The following ST3GAL4 variants were observed in gnomAD, a reference collection of about 807,000 sequenced individuals.
The protein encoded by ST3GAL4 is ST3 beta-galactoside alpha-2,3-sialyltransferase 4.
In ST3GAL4, 24 loss-of-function variants were observed where a neutral mutation model predicts 42.6. The ratio of observed to expected loss-of-function variants is 0.56; its 90% CI spans 0.41 to 0.79. The LOEUF is 0.79. Among genes scored for constraint, ST3GAL4 ranks in the 30% least tolerant of loss-of-function variants. The probability of loss-of-function intolerance (pLI) is 0.00; values close to 1 mark genes in which losing one functional copy is unlikely to be tolerated. For synonymous variants in ST3GAL4, 135 were observed against 163.2 expected, an observed-to-expected ratio of 0.83 and a Z score of 1.32; for missense variants, 311 against 430.8, an observed-to-expected ratio of 0.72 and a Z score of 2.46.
In ST3GAL4 at chr11:126,392,106, T is replaced by A. The variant is rs1233783561; in HGVS notation, c.-60-13990T>A. The A allele has an allele frequency of 2.6e-5, 4 of 152,880 alleles. No homozygotes were observed. The highest frequency in any genetic ancestry group is 5.8e-5 in the Non-Finnish European group (4 of 68,642). The allele number at this position is 152,880 out of a possible 1,614,324, so 9.5% of individuals were successfully genotyped here. On this transcript the variant is annotated intron_variant, in intron 1 of 10. Transcript: ENST00000444328. The surrounding 1 kb of genome is among the most constrained non-coding windows in gnomAD (Gnocchi z 5.8). ...TCACCTGACCAGTGACTGCAGAGGCTGGATTGGCCTGTGGGCCTGAGTCCG... is the reference window on the plus strand; with the variant it reads ...TCACCTGACCAGTGACTGCAGAGGCAGGATTGGCCTGTGGGCCTGAGTCCG...
At chr11:126,372,719 T>C (rs541898814) in intron 1 of ST3GAL4, among the ~76,000 whole-genome samples, 1 of 152,196 alleles carries the variant, frequency 6.6e-6, no homozygotes, top group Non-Finnish European at 1.5e-5. Context: ...CCGGCCGTCT[T>C]TGGATTTTAT....
rs551443393 is a variant in ST3GAL4 at position 126,371,163 on chromosome 11, C to CTTTTTTTTTTTTTTTTTTTTTTTTTTTTT, written c.-61+15340_-61+15341insTTTTTTTTTTTTTTTTTTTTTTTTTTTTT. Among the ~76,000 whole-genome samples, 7 of 59,972 alleles carry CTTTTTTTTTTTTTTTTTTTTTTTTTTTTT rather than the reference C, an allele frequency of 1.2e-4. 2 individuals carry two copies. The highest frequency in any genetic ancestry group is 1.8e-4 in the Non-Finnish European group (6 of 32,966). 39.3% of individuals were successfully genotyped at this position (59,972 alleles called of 152,430 possible). A position where few individuals can be genotyped will look rare whatever the true frequency, so the allele number is the denominator to read the frequency against. On this transcript the variant is annotated intron_variant, in intron 1 of 10. Coordinates refer to ENST00000444328, the MANE Select transcript of ST3GAL4 (RefSeq NM_001254757.2). ...ATCTATTCTATTCTTCCCCACATTC[C>CTTTTTTTTTTTTTTTTTTTTTTTTTTTTT]TTTTTTTTTTTTTTTTTTTGAGATG...
At position 126,384,770 on chromosome 11, in the gene ST3GAL4, G is replaced by A; in HGVS notation, c.-60-21326G>A. ...CATGGGTGAATCTGAGTCGAGGGCAGGACAGAGTGGGAGTGGCAGTGCCTC... is the reference window on the plus strand; with the variant it reads ...CATGGGTGAATCTGAGTCGAGGGCAAGACAGAGTGGGAGTGGCAGTGCCTC... On this transcript the variant is annotated intron_variant, in intron 1 of 10. Transcript: ENST00000444328. The surrounding 1 kb of genome is among the most constrained non-coding windows in gnomAD (Gnocchi z 5.5). 1 of 985,422 alleles carries A rather than the reference G, an allele frequency of 1.0e-6. No homozygotes were observed. Among genetic ancestry groups the A allele is most frequent in the Non-Finnish European group, 1.2e-6 (1 of 829,932 alleles). The allele number at this position is 985,422 out of a possible 1,614,324, so 61.0% of individuals were successfully genotyped here.
At chr11:126,361,812 A>G (rs941543646) in intron 1 of ST3GAL4, among the ~76,000 whole-genome samples, 3 of 151,728 alleles carry the variant, frequency 2.0e-5, no homozygotes, top group African/African-American at 4.8e-5. Context: ...CCTTCCCTCC[A>G]TGCATGGCCT....
At position 126,409,059 on chromosome 11, in the gene ST3GAL4, G is replaced by A. The variant is rs190574114; in HGVS notation, c.628-209G>A. On this transcript the variant is annotated intron_variant, in intron 8 of 10. Coordinates refer to ENST00000444328, the MANE Select transcript of ST3GAL4 (RefSeq NM_001254757.2). The surrounding 1 kb of genome is among the most constrained non-coding windows in gnomAD (Gnocchi z 4.9). ...TATACACCTGGTCACCTGGCCTCCC[G>A]AGGGGGTGCCTTTCCTCCTCTCTTT... Among the ~76,000 whole-genome samples, 28 of 152,276 alleles carry A rather than the reference G, an allele frequency of 1.8e-4. No individual in the cohort carries two copies. The highest frequency in any genetic ancestry group is 6.5e-4 in the African/African-American group (27 of 41,564).
chr11:126,407,379 TG>T, intron 5 of ST3GAL4, 30 bp downstream of exon 5: 1 of 1,607,048 alleles, frequency 6.2e-7, no homozygotes, highest in Non-Finnish European at 8.5e-7. Flanking sequence ...GTGGGAACCA[TG>T]GGCTCACCCT....
rs528597355 is a variant in ST3GAL4, at chr11:126,387,257, G to A, written c.-60-18839G>A. Among the ~76,000 whole-genome samples the A allele has an allele frequency of 1.6e-3, 243 of 152,300 alleles. 1 individual carries two copies. Among genetic ancestry groups the A allele is most frequent in the African/African-American group, 4.9e-3 (204 of 41,554 alleles). ...AGAAAACCTGACACCTGGAAAGGTC[G>A]TTTGCACTCACACAAGTGATGGTTG... On this transcript the variant is annotated intron_variant, in intron 1 of 10. Coordinates refer to ENST00000444328, the MANE Select transcript of ST3GAL4 (RefSeq NM_001254757.2).
chr11:126,372,075 C>T (rs911360892), intron 1 of ST3GAL4, among the ~76,000 whole-genome samples: 4 of 152,270 alleles, frequency 2.6e-5, no homozygotes, highest in African/African-American at 9.6e-5. Context: ...TTCTGTTGAC[C>T]TGTTGACCGT....
At chr11:126,358,343 G>A (rs571807185) in intron 1 of ST3GAL4, 7 of 309,120 alleles carry the variant, frequency 2.3e-5, no homozygotes, top group South Asian at 1.6e-4. Context: ...TTGCCGGGAG[G>A]AAATGGTGAG....
intron 1 of ST3GAL4, among the ~76,000 whole-genome samples, chr11:126,387,970 C>G (rs1158322323): frequency 6.6e-6 from 1 of 152,240 alleles, no homozygotes; most frequent in Non-Finnish European, 1.5e-5. Flanking sequence ...TTTGCAGCCT[C>G]TTTTTCACAG....
At chr11:126,362,986 C>T (rs1050969210) in intron 1 of ST3GAL4, among the ~76,000 whole-genome samples, 2 of 152,238 alleles carry the variant, frequency 1.3e-5, no homozygotes, top group African/African-American at 4.8e-5. Flanking sequence ...TCTCTCTCTG[C>T]CTCTCCAGCC....
rs576283002 is a variant in ST3GAL4, at chr11:126,396,204, C to T, written c.-60-9892C>T. 0.011 allele frequency among the ~76,000 whole-genome samples: 1,739 copies of T among 151,974 alleles called. 19 individuals are homozygous for T. Among genetic ancestry groups the T allele is most frequent in the Middle Eastern group, 0.027 (8 of 294 alleles). On this transcript the variant is annotated intron_variant, in intron 1 of 10. Transcript: ENST00000444328. The surrounding 1 kb of genome is among the most constrained non-coding windows in gnomAD (Gnocchi z 5.8). The stretch of plus-strand genomic sequence containing the variant: ...TGAGTCCCCTCTAGAACGTGGGCAG[C>T]GGACACTAAGCCGAGAGGAATCGCT...
intron 1 of ST3GAL4, among the ~76,000 whole-genome samples, chr11:126,370,013 T>A (rs886852006): frequency 6.6e-6 from 1 of 152,226 alleles, no homozygotes; most frequent in African/African-American, 2.4e-5. Context: ...TGCATAGTGT[T>A]TCGTTGTGTG....
At position 126,414,142 on chromosome 11, in the gene ST3GAL4, C is replaced by G; in HGVS notation, c.*95C>G. 2 of 1,204,660 alleles carry G rather than the reference C, an allele frequency of 1.7e-6. No individual in the cohort carries two copies. The highest frequency in any genetic ancestry group is 2.5e-6 in the Non-Finnish European group (2 of 811,518). The allele number at this position is 1,204,660 out of a possible 1,614,324, so 74.6% of individuals were successfully genotyped here. A position where few individuals can be genotyped will look rare whatever the true frequency, so the allele number is the denominator to read the frequency against. On this transcript the variant is annotated 3_prime_UTR_variant, in exon 11 of 11. Coordinates refer to ENST00000444328, the MANE Select transcript of ST3GAL4 (RefSeq NM_001254757.2). Reference sequence around the variant, plus strand: ...GGGTGGCTGGTGCCAGTATGACCCACTTGGACTCACCCCCTCTTGGGGAGG... The same window carrying G: ...GGGTGGCTGGTGCCAGTATGACCCAGTTGGACTCACCCCCTCTTGGGGAGG...
chr11:126,381,617 T>TGGGGA (rs766230483), intron 1 of ST3GAL4, among the ~76,000 whole-genome samples: 3 of 144,678 alleles, frequency 2.1e-5, no homozygotes, highest in Non-Finnish European at 3.0e-5. Context: ...TCCTGCTTCC[T>TGGGGA]GGGGAGGGGA....
At chr11:126,402,469 AGAAG>A (rs1406216737) in intron 1 of ST3GAL4, among the ~76,000 whole-genome samples, 8 of 143,590 alleles carry the variant, frequency 5.6e-5, no homozygotes, top group Non-Finnish European at 1.1e-4. Context: ...AAAAAAAAAA[AGAAG>A]AAGAAGAAGA....
intron 1 of ST3GAL4, among the ~76,000 whole-genome samples, chr11:126,358,837 G>A (rs1012858079): frequency 6.6e-6 from 1 of 152,204 alleles, no homozygotes; most frequent in South Asian, 2.1e-4. Flanking sequence ...TGGTAGGATT[G>A]CCTATACTGA....
rs184811383 is a variant in ST3GAL4 at position 126,397,495 on chromosome 11, A to C, written c.-60-8601A>C. Among the ~76,000 whole-genome samples, 1,062 of 152,308 alleles carry C rather than the reference A, an allele frequency of 7.0e-3. 16 individuals are homozygous for C. Among genetic ancestry groups the C allele is most frequent in the African/African-American group, 9.6e-3 (399 of 41,548 alleles). ...GTATAAACAACGTCTCATGGGAACC[A>C]AAACATCAGTCATTTGGAAGTATAA... On this transcript the variant is annotated intron_variant, in intron 1 of 10. Coordinates refer to ENST00000444328, the MANE Select transcript of ST3GAL4 (RefSeq NM_001254757.2). This position sits in a 1 kb window ranked among gnomAD's most constrained non-coding sequence, Gnocchi z 5.0.
chr11:126,413,352 T>C, intron 9 of ST3GAL4, 153 bp from the exon 10 acceptor site: 2 of 808,504 alleles, frequency 2.5e-6, no homozygotes, highest in Non-Finnish European at 3.7e-6. Flanking sequence ...ACTGGCCCCA[T>C]TTGCGTGCTC....
Sources: gnomAD v4.1 joint callset for allele counts (sites outside exome capture counted in the v4.1 genomes callset) on GRCh38, gnomAD v4.1.1 for gene constraint, Gnocchi (gnomAD v3.1) non-coding constraint, MANE v1.5 for transcripts, NCBI Gene and HGNC (gene_info 2026-07-23, HGNC 2026-07-21) for gene names.